The following EIPR1 variants were observed in gnomAD, a reference collection of about 807,000 sequenced individuals.
EIPR1 encodes EARP and GARP complex-interacting protein 1.
EIPR1 carries 25 observed loss-of-function variants against 48.1 expected under a neutral mutation model. The observed-to-expected ratio is 0.52, with a 90% CI of 0.38 to 0.73. EIPR1 has a LOEUF of 0.73. Ranked by LOEUF, EIPR1 falls within the 30% of genes least tolerant of loss-of-function variation. The pLI, the probability that EIPR1 is intolerant of heterozygous loss-of-function variation, is 0.00. For synonymous variants in EIPR1, 204 were observed against 201.9 expected, an observed-to-expected ratio of 1.01 and a Z score of -0.09; for missense variants, 415 against 506.2, an observed-to-expected ratio of 0.82 and a Z score of 1.73.
chr2:3,367,593 A>C (rs988655298), intron 1 of EIPR1, among the ~76,000 whole-genome samples: 4 of 152,252 alleles, frequency 2.6e-5, no homozygotes, highest in African/African-American at 9.6e-5. Context: ...CGTAAACCGA[A>C]TCCAGCAGAG....
chr2:3,365,744 C>T (rs1670956921), intron 1 of EIPR1, among the ~76,000 whole-genome samples: 1 of 151,014 alleles, frequency 6.6e-6, no homozygotes, highest in Non-Finnish European at 1.5e-5. Context: ...TTGCACCGCC[C>T]TTAATCCATT....
At chr2:3,242,875 C>T (rs1349374188) in intron 4 of EIPR1, among the ~76,000 whole-genome samples, 3 of 152,188 alleles carry the variant, frequency 2.0e-5, no homozygotes, top group Non-Finnish European at 4.4e-5. Flanking sequence ...CAGTAAAGCA[C>T]GTGACAGCTT....
chr2:3,237,912 C>T (rs1666467292), intron 4 of EIPR1, among the ~76,000 whole-genome samples: 1 of 152,230 alleles, frequency 6.6e-6, no homozygotes, highest in Non-Finnish European at 1.5e-5. Context: ...CTGTGCTCCT[C>T]AGGCTGAACG....
At chr2:3,223,131 A>C (rs1284145824) in intron 4 of EIPR1, among the ~76,000 whole-genome samples, 1 of 152,178 alleles carries the variant, frequency 6.6e-6, no homozygotes, top group Admixed American at 6.5e-5. Context: ...TTACAATAAA[A>C]TGCGTAGTTT....
intron 4 of EIPR1, among the ~76,000 whole-genome samples, chr2:3,254,884 G>T: frequency 6.6e-6 from 1 of 152,192 alleles, no homozygotes; most frequent in East Asian, 1.9e-4. Context: ...TAAGTTCAGT[G>T]GGCTGTATCA....
chr2:3,292,361 C>T (rs1411086942), intron 3 of EIPR1, among the ~76,000 whole-genome samples: 2 of 151,958 alleles, frequency 1.3e-5, no homozygotes, highest in Non-Finnish European at 2.9e-5. Flanking sequence ...ATGCTCACCA[C>T]GCTGTTGGGG....
chr2:3,319,064 G>A (rs1669408776), intron 3 of EIPR1: 2 of 424,186 alleles, frequency 4.7e-6, no homozygotes, highest in South Asian at 1.7e-5. Flanking sequence ...GGAGAAAAGT[G>A]TTTAAGATAT....
intron 3 of EIPR1, among the ~76,000 whole-genome samples, chr2:3,326,772 C>T (rs1356568143): frequency 6.6e-6 from 1 of 152,210 alleles, no homozygotes; most frequent in African/African-American, 2.4e-5. Flanking sequence ...ATTCAGTACA[C>T]CTCAGCAGCC....
chr2:3,246,038 G>C (rs1163393502), intron 4 of EIPR1, among the ~76,000 whole-genome samples: 1 of 152,160 alleles, frequency 6.6e-6, no homozygotes, highest in African/African-American at 2.4e-5. Flanking sequence ...CTGTGGTTGA[G>C]CCGTGATCAC....
intron 3 of EIPR1, among the ~76,000 whole-genome samples, chr2:3,322,568 G>C (rs62121549): frequency 6.6e-6 from 1 of 152,046 alleles, no homozygotes; most frequent in South Asian, 2.1e-4. Context: ...AGTCTCCTAA[G>C]TTGCAATCCT....
chr2:3,225,354 T>C (rs1399486698), intron 4 of EIPR1, among the ~76,000 whole-genome samples: 2 of 151,512 alleles, frequency 1.3e-5, no homozygotes, highest in Non-Finnish European at 2.9e-5. Flanking sequence ...CAAGCAGTCC[T>C]CCCACCTCAG....
At chr2:3,342,714 C>T (rs1022890779) in intron 2 of EIPR1, among the ~76,000 whole-genome samples, 4 of 152,250 alleles carry the variant, frequency 2.6e-5, no homozygotes, top group South Asian at 2.1e-4. Context: ...CCAGCGAGCA[C>T]GCACAGGGCA....
chr2:3,281,657 C>T (rs745722729), intron 3 of EIPR1, among the ~76,000 whole-genome samples: 10 of 152,164 alleles, frequency 6.6e-5, no homozygotes, highest in South Asian at 6.2e-4. Flanking sequence ...TCCCTTCAGA[C>T]GGTCAAGGCG....
chr2:3,374,111 A>C (rs1659790681), intron 1 of EIPR1, among the ~76,000 whole-genome samples: 2 of 149,192 alleles, frequency 1.3e-5, no homozygotes, highest in South Asian at 4.3e-4. Context: ...CAAACCTGAC[A>C]AAAACAAGCA....
intron 4 of EIPR1, among the ~76,000 whole-genome samples, chr2:3,251,849 G>A (rs1261032175): frequency 6.6e-6 from 1 of 152,158 alleles, no homozygotes; most frequent in Non-Finnish European, 1.5e-5. Flanking sequence ...CACACTGTGA[G>A]GAACACAAAT....
intron 4 of EIPR1, among the ~76,000 whole-genome samples, chr2:3,236,288 G>GA (rs1666403898): frequency 6.6e-6 from 1 of 152,190 alleles, no homozygotes; most frequent in Non-Finnish European, 1.5e-5. Context: ...ACTGGGCTCA[G>GA]AGAGTTCTGT....
At chr2:3,278,767 C>T (rs1221424783) in intron 3 of EIPR1, among the ~76,000 whole-genome samples, 1 of 152,160 alleles carries the variant, frequency 6.6e-6, no homozygotes, top group Non-Finnish European at 1.5e-5. Context: ...GAAGATCAAG[C>T]AGATGGAAGG....
intron 5 of EIPR1, 84 bp downstream of exon 5, chr2:3,214,065 G>T: frequency 7.8e-7 from 1 of 1,278,426 alleles, no homozygotes. Flanking sequence ...TGATCTCATT[G>T]TTCAATTCCC....
intron 5 of EIPR1, among the ~76,000 whole-genome samples, chr2:3,202,959 G>A (rs989498709): frequency 2.0e-5 from 3 of 152,232 alleles, no homozygotes; most frequent in African/African-American, 7.2e-5. Flanking sequence ...GACAGCAGAT[G>A]TGGTTTTTGT....
Sources: allele counts gnomAD v4.1 joint callset (sites outside exome capture counted in the v4.1 genomes callset), GRCh38; gene constraint gnomAD v4.1.1; transcripts MANE v1.5; gene names NCBI Gene and HGNC (gene_info 2026-07-23, HGNC 2026-07-21).